The following CDH18 variants were observed in gnomAD, a reference collection of about 807,000 sequenced individuals.
The protein encoded by CDH18 is cadherin 18.
Under a neutral mutation model 67.9 loss-of-function variants are expected in CDH18, and 31 were observed. That is an observed-to-expected ratio of 0.46 (90% CI 0.34 to 0.62). The LOEUF is 0.62. Among genes scored for constraint, CDH18 ranks in the 20% least tolerant of loss-of-function variants. CDH18 has a pLI of 0.01. For missense variants in CDH18, 890 were observed against 975.5 expected, an observed-to-expected ratio of 0.91 and a Z score of 1.17; for synonymous variants, 362 against 347.2, an observed-to-expected ratio of 1.04 and a Z score of -0.48.
intron 2 of CDH18, among the ~76,000 whole-genome samples, chr5:19,888,924 T>C (rs1270109322): frequency 6.6e-6 from 1 of 152,136 alleles, no homozygotes; most frequent in Non-Finnish European, 1.5e-5. Flanking sequence ...ATAGCTTCCC[T>C]TGGTATCTGT....
intron 2 of CDH18, among the ~76,000 whole-genome samples, chr5:19,929,664 T>C (rs1419028745): frequency 2.6e-5 from 4 of 152,190 alleles, no homozygotes; most frequent in Middle Eastern, 6.8e-3. Flanking sequence ...ATTTAGGATG[T>C]GACTTGCAAG....
chr5:19,936,292 T>C (rs1463885203), intron 2 of CDH18, among the ~76,000 whole-genome samples: 2 of 151,430 alleles, frequency 1.3e-5, no homozygotes, highest in Admixed American at 6.6e-5. Flanking sequence ...AAGAAATGTT[T>C]TGAAAGTTAA....
intron 1 of CDH18, among the ~76,000 whole-genome samples, chr5:20,506,884 G>A (rs528041451): frequency 6.6e-6 from 1 of 152,238 alleles, no homozygotes; most frequent in African/African-American, 2.4e-5. Context: ...TGTGCTTCCT[G>A]GGTGTGTGAC....
At chr5:20,183,595 A>G (rs905714572) in intron 2 of CDH18, among the ~76,000 whole-genome samples, 1 of 152,136 alleles carries the variant, frequency 6.6e-6, no homozygotes, top group Non-Finnish European at 1.5e-5. Flanking sequence ...ACATTGCACC[A>G]TCATCTACCA....
At chr5:20,410,863 A>G (rs1188777111) in intron 1 of CDH18, among the ~76,000 whole-genome samples, 1 of 151,934 alleles carries the variant, frequency 6.6e-6, no homozygotes, top group Non-Finnish European at 1.5e-5. Context: ...ATAGTATTAA[A>G]GGAATAAAAT....
intron 3 of CDH18, among the ~76,000 whole-genome samples, chr5:19,808,429 C>T (rs1013426844): frequency 6.6e-6 from 1 of 151,958 alleles, no homozygotes; most frequent in Non-Finnish European, 1.5e-5. Context: ...TTCATACATT[C>T]ATTGGATAAA....
intron 1 of CDH18, among the ~76,000 whole-genome samples, chr5:20,459,496 A>G (rs942192335): frequency 2.6e-5 from 4 of 152,098 alleles, no homozygotes; most frequent in Admixed American, 6.6e-5. Flanking sequence ...AATTCACTGT[A>G]CATGTTTCTT....
At chr5:19,846,925 T>C (rs547450587) in intron 2 of CDH18, among the ~76,000 whole-genome samples, 1 of 151,300 alleles carries the variant, frequency 6.6e-6, no homozygotes, top group East Asian at 2.0e-4. Context: ...TTTTTCTTTT[T>C]CTTTTACCTT....
chr5:20,232,678 T>C (rs1742166772), intron 2 of CDH18, among the ~76,000 whole-genome samples: 1 of 152,148 alleles, frequency 6.6e-6, no homozygotes, highest in African/African-American at 2.4e-5. Context: ...CACATTGATA[T>C]ATTTTATAGG....
chr5:20,326,850 C>T (rs1738646553), intron 1 of CDH18, among the ~76,000 whole-genome samples: 1 of 152,090 alleles, frequency 6.6e-6, no homozygotes, highest in South Asian at 2.1e-4. Flanking sequence ...CACATATTTA[C>T]ATTATTTAAG....
intron 1 of CDH18, among the ~76,000 whole-genome samples, chr5:20,539,100 G>A (rs763432126): frequency 6.6e-6 from 1 of 151,588 alleles, no homozygotes; most frequent in Admixed American, 6.6e-5. Flanking sequence ...TGTTGGCCAC[G>A]CTGGTCTCCA....
intron 2 of CDH18, among the ~76,000 whole-genome samples, chr5:19,896,639 A>G (rs192033051): frequency 8.5e-5 from 13 of 152,324 alleles, no homozygotes; most frequent in African/African-American, 2.9e-4. Context: ...TGGTATCCAG[A>G]ACAGTGAAAA....
chr5:19,685,992 T>C (rs565970546), intron 5 of CDH18, among the ~76,000 whole-genome samples: 22 of 152,198 alleles, frequency 1.4e-4, no homozygotes, highest in African/African-American at 5.1e-4. Context: ...AAGAAGAAAG[T>C]GGTTTGGTGA....
At position 19,747,160 on chromosome 5, in the gene CDH18, A is replaced by G. The variant is rs1561212404; in HGVS notation, c.305T>C (p.Ile102Thr). ...LTGEGAGTIFIIDDTTGDIHS... is the reference protein window; with the variant it reads ...LTGEGAGTIFTIDDTTGDIHS... ...GATATCACCCGTGGTATCGTCAATG[A>G]TAAATATAGTCCCAGCACCCTCTCC... is the stretch of plus-strand genomic sequence containing the variant. Residue 102 changes from isoleucine to threonine, a missense_variant, in exon 4 of 13, where the codon ATC (isoleucine) becomes ACC (threonine). Coordinates refer to ENST00000382275, the MANE Select transcript of CDH18 (RefSeq NM_004934.5). 4.3e-6 allele frequency: 7 copies of G among 1,613,974 alleles called. No individual in the cohort carries two copies. The highest frequency in any genetic ancestry group is 5.1e-6 in the Non-Finnish European group (6 of 1,179,860).
intron 8 of CDH18, among the ~76,000 whole-genome samples, chr5:19,550,710 G>A: frequency 1.0e-5 from 1 of 99,480 alleles, no homozygotes; most frequent in East Asian, 3.0e-4. Context: ...TGTGAATAGT[G>A]CCACAATAAA....
At chr5:20,041,185 C>A (rs1370918461) in intron 2 of CDH18, among the ~76,000 whole-genome samples, 2 of 152,154 alleles carry the variant, frequency 1.3e-5, no homozygotes, top group Non-Finnish European at 2.9e-5. Context: ...TACGATGTTT[C>A]TCATGATATC....
chr5:20,418,365 GCCA>G (rs1747526786), intron 1 of CDH18, among the ~76,000 whole-genome samples: 1 of 149,982 alleles, frequency 6.7e-6, no homozygotes, highest in African/African-American at 2.5e-5. Context: ...AAAGGCATGA[GCCA>G]CCACGCCCGG....
intron 1 of CDH18, among the ~76,000 whole-genome samples, chr5:20,262,494 G>A (rs1441334089): frequency 6.6e-6 from 1 of 152,126 alleles, no homozygotes; most frequent in Non-Finnish European, 1.5e-5. Flanking sequence ...TAAATTCTAA[G>A]GTACTGAGAG....
intron 2 of CDH18, among the ~76,000 whole-genome samples, chr5:19,906,801 C>A (rs1790586333): frequency 6.6e-6 from 1 of 151,948 alleles, no homozygotes; most frequent in East Asian, 1.9e-4. Flanking sequence ...ATGATTGGGC[C>A]ATGATAATAA....
Sources: gnomAD v4.1 joint callset for allele counts (sites outside exome capture counted in the v4.1 genomes callset) on GRCh38, gnomAD v4.1.1 for gene constraint, MANE v1.5 for transcripts, NCBI Gene and HGNC (gene_info 2026-07-23, HGNC 2026-07-21) for gene names.